The following LRRFIP1 variants were observed in gnomAD, a reference collection of about 807,000 sequenced individuals.
LRRFIP1 encodes leucine-rich repeat flightless-interacting protein 1.
Under a neutral mutation model 104.4 loss-of-function variants are expected in LRRFIP1, and 62 were observed. The observed-to-expected ratio is 0.59, with a 90% CI of 0.48 to 0.73. The LOEUF (loss-of-function observed/expected upper bound fraction) is 0.73, where lower values mean the gene tolerates loss of function less well. Among genes scored for constraint, LRRFIP1 ranks in the 30% least tolerant of loss-of-function variants. The pLI is 0.00. For synonymous variants in LRRFIP1, 300 were observed against 299.0 expected, an observed-to-expected ratio of 1.00 and a Z score of -0.03; for missense variants, 796 against 824.5, an observed-to-expected ratio of 0.97 and a Z score of 0.42.
intron 1 of LRRFIP1, among the ~76,000 whole-genome samples, chr2:237,629,195 A>C (rs1036203616): frequency 2.0e-5 from 3 of 152,268 alleles, no homozygotes; most frequent in Non-Finnish European, 4.4e-5. Context: ...CTGTTACATT[A>C]ATTAATAAAC....
chr2:237,730,086 C>G (rs1359087678), intron 8 of LRRFIP1, among the ~76,000 whole-genome samples: 1 of 152,154 alleles, frequency 6.6e-6, no homozygotes, highest in African/African-American at 2.4e-5. Flanking sequence ...ATTCAGCTGG[C>G]TGCAATGAAA....
At chr2:237,708,409 CTA>C (rs758403364) in intron 1 of LRRFIP1, 133 bp from the exon 2 acceptor site, 8 of 640,210 alleles carry the variant, frequency 1.2e-5, no homozygotes, top group Non-Finnish European at 2.2e-5. Context: ...CCCTTTTACT[CTA>C]TGAATCTGGA....
At position 237,627,701 on chromosome 2, in the gene LRRFIP1, C is replaced by G. The variant is rs2081742604; in HGVS notation, c.57C>G (p.Leu19=). The change falls in exon 1 of 24, where the codon CTC becomes CTG. Residue 19 remains leucine, a synonymous_variant. Transcript: ENST00000308482. ...GRKRLPNRER[L]TAEDDALNQI... ...AGCGGCTCCCCAACCGGGAGCGGCT[C>G]ACGGCGGAGGACGACGCGCTCAACC... is the stretch of plus-strand genomic sequence containing the variant. 1 of 1,371,556 alleles carries G rather than the reference C, an allele frequency of 7.3e-7. No homozygotes were observed. Among genetic ancestry groups the G allele is most frequent in the Non-Finnish European group, 9.5e-7 (1 of 1,050,842 alleles). The allele number at this position is 1,371,556 out of a possible 1,614,324, so 85.0% of individuals were successfully genotyped here. A position where few individuals can be genotyped will look rare whatever the true frequency, so the allele number is the denominator to read the frequency against.
chr2:237,753,840 GTATGTA>G (rs769476769), intron 15 of LRRFIP1, among the ~76,000 whole-genome samples: 37,512 of 145,076 alleles, frequency 0.26, 5,084 homozygotes, highest in East Asian at 0.52. Context: ...GTGTGTGTGT[GTATGTA>G]TGTATGTATG....
chr2:237,724,904 A>G (rs1395547862), intron 7 of LRRFIP1, among the ~76,000 whole-genome samples: 2 of 151,886 alleles, frequency 1.3e-5, no homozygotes, highest in Non-Finnish European at 1.5e-5. Flanking sequence ...TTCCTTTTCC[A>G]TCTCTAATGC....
intron 1 of LRRFIP1, among the ~76,000 whole-genome samples, chr2:237,667,869 CT>C (rs1285820271): frequency 6.6e-6 from 1 of 152,118 alleles, no homozygotes; most frequent in Non-Finnish European, 1.5e-5. Context: ...CTCCGTCAGC[CT>C]CTCCCGGGTT....
At chr2:237,723,278 G>A (rs1018378525) in intron 6 of LRRFIP1, among the ~76,000 whole-genome samples, 1 of 152,200 alleles carries the variant, frequency 6.6e-6, no homozygotes, top group African/African-American at 2.4e-5. Flanking sequence ...TGTAGAAGAG[G>A]AAATAAGATT....
intron 7 of LRRFIP1, among the ~76,000 whole-genome samples, chr2:237,726,280 A>T (rs2094744321): frequency 6.6e-6 from 1 of 152,226 alleles, no homozygotes; most frequent in African/African-American, 2.4e-5. Flanking sequence ...GTTTTGAGTT[A>T]CAGCAAAGAT....
intron 8 of LRRFIP1, among the ~76,000 whole-genome samples, chr2:237,733,170 G>A (rs1456393783): frequency 6.6e-6 from 1 of 152,170 alleles, no homozygotes; most frequent in Non-Finnish European, 1.5e-5. Flanking sequence ...TTGTGTCCCA[G>A]CCTGTCCCTT....
chr2:237,662,204 C>G (rs904986035), intron 1 of LRRFIP1, among the ~76,000 whole-genome samples: 1 of 152,230 alleles, frequency 6.6e-6, no homozygotes, highest in East Asian at 1.9e-4. Flanking sequence ...CTCCACGTGG[C>G]CCCCTCCCTG....
At chr2:237,638,723 C>T (rs954259324) in intron 1 of LRRFIP1, among the ~76,000 whole-genome samples, 1 of 152,180 alleles carries the variant, frequency 6.6e-6, no homozygotes, top group Non-Finnish European at 1.5e-5. Context: ...AGGTAAATAG[C>T]CATGGAAGTC....
chr2:237,664,811 A>T (rs1230319059), intron 1 of LRRFIP1, among the ~76,000 whole-genome samples: 6 of 152,238 alleles, frequency 3.9e-5, no homozygotes, highest in Admixed American at 3.9e-4. Flanking sequence ...GATTGTTGCT[A>T]GAAGGGAAAT....
At chr2:237,682,555 C>A (rs1173406131) in intron 1 of LRRFIP1, among the ~76,000 whole-genome samples, 1 of 152,182 alleles carries the variant, frequency 6.6e-6, no homozygotes, top group Non-Finnish European at 1.5e-5. Flanking sequence ...TTGGATTGGG[C>A]CTTCCCAGAG....
At chr2:237,734,866 T>G (rs2095180755) in intron 9 of LRRFIP1, among the ~76,000 whole-genome samples, 1 of 152,244 alleles carries the variant, frequency 6.6e-6, no homozygotes, top group African/African-American at 2.4e-5. Flanking sequence ...TAATTTGATA[T>G]TTTATCCCAA....
At chr2:237,763,709 G>A (rs369427425) in intron 19 of LRRFIP1, 1 of 1,614,254 alleles carries the variant, frequency 6.2e-7, no homozygotes, top group Non-Finnish European at 8.5e-7. Flanking sequence ...TGTACAAACA[G>A]CAGCTGAGGA....
At position 237,670,551 on chromosome 2, in the gene LRRFIP1, G is replaced by A. The variant is rs141249716; in HGVS notation, c.97-37993G>A. On this transcript the variant is annotated intron_variant, in intron 1 of 23. Coordinates refer to ENST00000308482, the MANE Select transcript of LRRFIP1 (RefSeq NM_001137550.2). ...ACCGAGCCTCAGTTTCCACATTGGT[G>A]CTGTGCAGATGATAATACAGACTTT... Among the ~76,000 whole-genome samples the A allele has an allele frequency of 2.5e-3, 387 of 152,334 alleles. 1 individual carries two copies. Among genetic ancestry groups the A allele is most frequent in the African/African-American group, 8.9e-3 (369 of 41,578 alleles).
intron 1 of LRRFIP1, among the ~76,000 whole-genome samples, chr2:237,683,647 T>G (rs528723275): frequency 8.5e-5 from 13 of 152,234 alleles, no homozygotes; most frequent in Non-Finnish European, 1.5e-4. Context: ...TCTATTAGAG[T>G]GTGGGTCTAT....
At chr2:237,749,052 T>G (rs1559775106) in intron 12 of LRRFIP1, 147 bp from the exon 13 acceptor site, 1 of 723,686 alleles carries the variant, frequency 1.4e-6, no homozygotes, top group Non-Finnish European at 2.2e-6. Flanking sequence ...GAGAACAGCA[T>G]GGGGGAAACT....
At chr2:237,765,318 C>A in intron 19 of LRRFIP1, 1 of 226,520 alleles carries the variant, frequency 4.4e-6, no homozygotes, top group Non-Finnish European at 7.2e-6. Context: ...CGCCTGTAAA[C>A]CTAGCACATT....
Sources: allele counts gnomAD v4.1 joint callset (sites outside exome capture counted in the v4.1 genomes callset), GRCh38; gene constraint gnomAD v4.1.1; transcripts MANE v1.5; gene names NCBI Gene and HGNC (gene_info 2026-07-23, HGNC 2026-07-21).